Variants in MICU3 observed in about 807,000 individuals in gnomAD.
The protein encoded by MICU3 is calcium uptake protein 3, mitochondrial.
In MICU3, 62 loss-of-function variants were observed where a neutral mutation model predicts 66.5. The observed-to-expected ratio is 0.93, with a 90% CI of 0.76 to 1.15. The LOEUF (loss-of-function observed/expected upper bound fraction) is 1.15. MICU3 is among the 50% of genes most tolerant of loss of function. MICU3 has a pLI of 0.00. For missense variants in MICU3, 779 were observed against 664.4 expected (o/e 1.17, Z -1.90); for synonymous variants, 308 against 240.7 (o/e 1.28, Z -2.59).
chr8:17,108,101 A>T (rs1393762995), intron 11 of MICU3, among the ~76,000 whole-genome samples: 1 of 152,126 alleles, frequency 6.6e-6, no homozygotes, highest in Non-Finnish European at 1.5e-5. Flanking sequence ...GGAATCAGGA[A>T]CTCCTAGGGC....
At chr8:17,104,606 A>C (rs1801568954) in intron 10 of MICU3, 115 bp downstream of exon 10, 2 of 456,204 alleles carry the variant, frequency 4.4e-6, no homozygotes, top group Non-Finnish European at 7.6e-6. Context: ...ATTTTAAATA[A>C]GATCCTCTGT....
chr8:17,080,676 C>T (rs1391113439), intron 4 of MICU3, among the ~76,000 whole-genome samples: 1 of 152,052 alleles, frequency 6.6e-6, no homozygotes, highest in Admixed American at 6.6e-5. Flanking sequence ...CTATAGGTCA[C>T]AATATTCTAG....
At chr8:17,063,362 A>T (rs1440772579) in intron 1 of MICU3, among the ~76,000 whole-genome samples, 1 of 152,100 alleles carries the variant, frequency 6.6e-6, no homozygotes, top group Non-Finnish European at 1.5e-5. Context: ...TACTTAACAA[A>T]TTTTTTACAA....
Position 17,029,935 on chromosome 8 carries a change from G to C in MICU3, c.381+2275G>C, listed in dbSNP as rs186978961. ...CTAATTCTAATCATTCTTATATTTCGGTTTTAAAAAATATTTTCATCTGTT... is the reference window on the plus strand; with the variant it reads ...CTAATTCTAATCATTCTTATATTTCCGTTTTAAAAAATATTTTCATCTGTT... On this transcript the variant is annotated intron_variant, in intron 1 of 14. Transcript: ENST00000318063. Among the ~76,000 whole-genome samples the C allele has an allele frequency of 3.0e-3, 458 of 151,494 alleles. 1 individual carries two copies. Among genetic ancestry groups the C allele is most frequent in the African/African-American group, 0.011 (440 of 41,256 alleles).
Position 17,027,652 on chromosome 8 carries a change from A to C in MICU3, c.373A>C (p.Lys125Gln). The change falls in exon 1 of 15, where the codon AAG (lysine) becomes CAG (glutamine). Residue 125 changes from lysine to glutamine, a missense_variant. By Grantham distance (53) the Lys-to-Gln change is moderately conservative. Transcript: ENST00000318063. ...GCTGCCCATCCCAGTGGCGGCTGCC[A>C]AGGAGACGGTGAGTGCGCGAGCGCG... is the stretch of plus-strand genomic sequence containing the variant. ...GMLPIPVAAAKETVAIGRTDI... is the reference protein window; with the variant it reads ...GMLPIPVAAAQETVAIGRTDI... 7.7e-7 allele frequency: 1 copy of C among 1,300,702 alleles called. No homozygotes were observed. Among genetic ancestry groups the C allele is most frequent in the East Asian group, 3.1e-5 (1 of 32,074 alleles). 80.6% of individuals were successfully genotyped at this position (1,300,702 alleles called of 1,614,324 possible). A position where few individuals can be genotyped will look rare whatever the true frequency, so the allele number is the denominator to read the frequency against.
chr8:17,063,135 T>C (rs4541971), intron 1 of MICU3, among the ~76,000 whole-genome samples: 71,648 of 151,852 alleles, frequency 0.47, 17,515 homozygotes, highest in African/African-American at 0.59. Context: ...GATTACTGAA[T>C]GATATATATG....
chr8:17,027,365 G>T lies in MICU3; in HGVS notation c.86G>T (p.Gly29Val), dbSNP rs771593237. Residue 29 changes from glycine to valine, a missense_variant, in exon 1 of 15, where the codon GGG (glycine) becomes GTG (valine). Gly to Val is a moderately radical substitution (Grantham distance 109, BLOSUM62 -3). Coordinates refer to ENST00000318063, the MANE Select transcript of MICU3 (RefSeq NM_181723.3). ...CACCAGCCCCTCCTTGGGCCGTGGG[G>T]GCGGCCTGCGGTGACCACCCTGGGC... ...CAHQPLLGPW[G>V]RPAVTTLGLP... 3 of 1,495,876 alleles carry T rather than the reference G, an allele frequency of 2.0e-6. No homozygotes were observed. The allele number at this position is 1,495,876 out of a possible 1,614,324, so 92.7% of individuals were successfully genotyped here.
the MICU3 span, among the ~76,000 whole-genome samples, chr8:17,134,634 C>T: frequency 1.7e-4 from 26 of 152,144 alleles, no homozygotes; most frequent in South Asian, 4.2e-4. Flanking sequence ...TTAGTAGAGA[C>T]GGGGTTTCAC....
At position 17,116,544 on chromosome 8, in the gene MICU3, T is replaced by C. The variant is rs867902977; in HGVS notation, c.1468T>C (p.Leu490=). 2.6e-6 allele frequency: 4 copies of C among 1,566,160 alleles called. No homozygotes were observed. The highest frequency in any genetic ancestry group is 1.7e-4 in the Middle Eastern group (1 of 5,936). The change falls in exon 13 of 15, where the codon TTA becomes CTA. Residue 490 remains leucine, a synonymous_variant. Transcript: ENST00000318063. ...KIFDVDKDDQ[L]SYKEFIGIMK... is the part of the protein sequence containing the mutation. ...TTTTGATGTTGACAAAGATGATCAA[T>C]TAAGTTATAAAGAATTTATTGGAAT... is the stretch of plus-strand genomic sequence containing the variant.
chr8:17,058,319 G>C (rs3862108), intron 1 of MICU3, among the ~76,000 whole-genome samples: 22,368 of 152,042 alleles, frequency 0.15, 2,175 homozygotes, highest in East Asian at 0.38. Context: ...AAATGAAGTA[G>C]CTCAGCCAGT....
intron 2 of MICU3, among the ~76,000 whole-genome samples, chr8:17,069,322 A>T (rs1585324093): frequency 6.6e-6 from 1 of 152,200 alleles, no homozygotes; most frequent in East Asian, 1.9e-4. Context: ...TGTTAATGTT[A>T]TTTTATATTC....
At chr8:17,073,458 G>T (rs1819910235) in intron 3 of MICU3, among the ~76,000 whole-genome samples, 1 of 152,008 alleles carries the variant, frequency 6.6e-6, no homozygotes, top group Non-Finnish European at 1.5e-5. Context: ...ATCACCCCCA[G>T]ATAGGACCAT....
chr8:17,042,963 G>T (rs190503700), intron 1 of MICU3, among the ~76,000 whole-genome samples: 2 of 99,940 alleles, frequency 2.0e-5, no homozygotes, highest in Admixed American at 1.1e-4. Context: ...TTTTTGAGAC[G>T]GAGTCTCACT....
At chr8:17,118,340 GTA>G (rs745959765) in intron 13 of MICU3, among the ~76,000 whole-genome samples, 246 of 150,822 alleles carry the variant, frequency 1.6e-3, no homozygotes, top group African/African-American at 5.7e-3. Flanking sequence ...TGATATTTTG[GTA>G]TATATATATA....
intron 2 of MICU3, among the ~76,000 whole-genome samples, chr8:17,067,186 C>G (rs562900641): frequency 1.1e-4 from 16 of 152,244 alleles, no homozygotes; most frequent in African/African-American, 3.6e-4. Flanking sequence ...GTTTCATGTA[C>G]TGAGTATTAA....
intron 3 of MICU3, among the ~76,000 whole-genome samples, chr8:17,070,998 A>T (rs1447784373): frequency 6.6e-6 from 1 of 152,208 alleles, no homozygotes; most frequent in Non-Finnish European, 1.5e-5. Context: ...GTGAGATTTC[A>T]TCATGCTACA....
intron 1 of MICU3, among the ~76,000 whole-genome samples, chr8:17,052,257 G>A (rs4117965): frequency 0.47 from 71,296 of 151,908 alleles, 20,388 homozygotes; most frequent in African/African-American, 0.8. Context: ...TTTATGGGGT[G>A]TGTATGATAT....
At chr8:17,048,665 G>C (rs1815518999) in intron 1 of MICU3, among the ~76,000 whole-genome samples, 1 of 152,166 alleles carries the variant, frequency 6.6e-6, no homozygotes, top group African/African-American at 2.4e-5. Flanking sequence ...ACCCAGGCTG[G>C]AGTATGGTGG....
chr8:17,129,015 C>A, the MICU3 span, among the ~76,000 whole-genome samples: 1 of 152,106 alleles, frequency 6.6e-6, no homozygotes, highest in African/African-American at 2.4e-5. Context: ...TCAAATCAGC[C>A]AGTGTGTGAA....
Sources: allele counts gnomAD v4.1 joint callset (sites outside exome capture counted in the v4.1 genomes callset), GRCh38; gene constraint gnomAD v4.1.1; transcripts MANE v1.5; gene names NCBI Gene and HGNC (gene_info 2026-07-23, HGNC 2026-07-21).